Variants in ASMT observed in about 807,000 individuals in gnomAD.
ASMT encodes the protein acetylserotonin O-methyltransferase.
In ASMT, 53 loss-of-function variants were observed where a neutral mutation model predicts 41.3. The observed-to-expected ratio is 1.28, with a 90% CI of 1.03 to 1.61. The LOEUF is 1.61. Ranked by LOEUF, ASMT falls within the 40% of genes most tolerant of loss-of-function variation. The pLI is 0.00. For synonymous variants in ASMT, 231 were observed against 184.8 expected (o/e 1.25, Z -2.03); for missense variants, 531 against 441.3 (o/e 1.20, Z -1.82).
At chrX:1,635,283 C>G (rs1335039629) in intron 7 of ASMT, among the ~76,000 whole-genome samples, 4 of 151,974 alleles carry the variant, frequency 2.6e-5, no homozygotes, top group Non-Finnish European at 5.9e-5. Context: ...CGCGCCTGGC[C>G]TGAATTAACT....
Position 1,615,254 on chromosome X carries a change from T to C in ASMT, c.55T>C (p.Phe19Leu). The change falls in exon 1 of 9, where the codon TTC becomes CTC. Residue 19 changes from phenylalanine to leucine, a missense_variant. Coordinates refer to ENST00000381241, the MANE Select transcript of ASMT (RefSeq NM_001171038.2). Reference sequence around the variant, plus strand: ...CCTCCTTAATGACTACGCCAACGGCTTCATGGTGTCCCAGGTAGGATACGC... The same window carrying C: ...CCTCCTTAATGACTACGCCAACGGCCTCATGGTGTCCCAGGTAGGATACGC... The part of the protein sequence containing the change: ...YRLLNDYANG[F>L]MVSQVLFAAC... 6.3e-7 allele frequency: 1 copy of C among 1,594,592 alleles called. No individual in the cohort carries two copies. Among genetic ancestry groups the C allele is most frequent in the Non-Finnish European group, 8.5e-7 (1 of 1,170,574 alleles).
intron 5 of ASMT, among the ~76,000 whole-genome samples, chrX:1,630,932 A>T (rs561622046): frequency 7.4e-6 from 1 of 135,152 alleles, no homozygotes; most frequent in Non-Finnish European, 1.5e-5. Flanking sequence ...TTTTTTTGAG[A>T]TGGAGTCTTG....
rs185309752 is a variant in ASMT, at chrX:1,642,305, C to A, written c.911-498C>A. Among the ~76,000 whole-genome samples, 23 of 140,502 alleles carry A rather than the reference C, an allele frequency of 1.6e-4. No individual in the cohort carries two copies. In the East Asian group the frequency reaches 3.1e-3, roughly 19 times the overall value. The allele number at this position is 140,502 out of a possible 152,430, so 92.2% of individuals were successfully genotyped here. On this transcript the variant is annotated intron_variant, in intron 8 of 8. Transcript: ENST00000381241. ...ACAGTGTCCCAGTGTCCTGTGAGGT[C>A]CATACATCCTGATGGTCCATGAGGA...
intron 1 of ASMT, among the ~76,000 whole-genome samples, chrX:1,619,587 T>TAATAATAATAAA (rs1420115346): frequency 3.5e-4 from 48 of 136,168 alleles, no homozygotes; most frequent in African/African-American, 1.2e-3. Flanking sequence ...ATAATAATAA[T>TAATAATAATAAA]AAAAAGTCTT....
At position 1,627,782 on chromosome X, in the gene ASMT, T is replaced by C. The variant is rs1360064824; in HGVS notation, c.443+11T>C. ...TACGGCCATCTACAGGTAACACCCATCACTTTGAAACCAACAACTCAGATA... is the reference window on the plus strand; with the variant it reads ...TACGGCCATCTACAGGTAACACCCACCACTTTGAAACCAACAACTCAGATA... On this transcript the variant is annotated intron_variant, in intron 4 of 8. Coordinates refer to ENST00000381241, the MANE Select transcript of ASMT (RefSeq NM_001171038.2). The C allele has an allele frequency of 1.9e-6, 3 of 1,612,890 alleles. No individual in the cohort carries two copies. The highest frequency in any genetic ancestry group is 2.2e-5 in the South Asian group (2 of 91,058).
At chrX:1,635,944 C>G (rs1230218321) in intron 7 of ASMT, among the ~76,000 whole-genome samples, 18 of 150,890 alleles carry the variant, frequency 1.2e-4, no homozygotes, top group Middle Eastern at 3.4e-3. Context: ...AGAGGCCACA[C>G]TTATTCAGTA....
At chrX:1,631,390 C>A (rs754189301) in intron 5 of ASMT, among the ~76,000 whole-genome samples, 2 of 151,798 alleles carry the variant, frequency 1.3e-5, no homozygotes, top group African/African-American at 2.4e-5. Flanking sequence ...CAACCCCGAG[C>A]TCACCCCTTA....
In ASMT at chrX:1,642,840, A is replaced by C; in HGVS notation, c.948A>C (p.Glu316Asp). 1 of 1,613,914 alleles carries C rather than the reference A, an allele frequency of 6.2e-7. No homozygotes were observed. Among genetic ancestry groups the C allele is most frequent in the Non-Finnish European group, 8.5e-7 (1 of 1,179,852 alleles). ...GILVIESLLDEDRRGPLLTQL... is the reference protein window; with the variant it reads ...GILVIESLLDDDRRGPLLTQL... ...TGGTAATTGAAAGCCTCCTGGATGAAGACAGGCGAGGTCCTCTGCTCACGC... is the reference window on the plus strand; with the variant it reads ...TGGTAATTGAAAGCCTCCTGGATGACGACAGGCGAGGTCCTCTGCTCACGC... Residue 316 changes from glutamate (E) to aspartate (D), a missense_variant, in exon 9 of 9, where the codon GAA (glutamate) becomes GAC (aspartate). By Grantham distance (45) the Glu-to-Asp change is conservative. Transcript: ENST00000381241.
Position 1,633,207 on chromosome X carries a change from C to T in ASMT, c.704C>T (p.Thr235Ile), listed in dbSNP as rs753471134. The T allele has an allele frequency of 1.2e-6, 2 of 1,613,834 alleles. No homozygotes were observed. Among genetic ancestry groups the T allele is most frequent in the Non-Finnish European group, 1.7e-6 (2 of 1,179,846 alleles). Residue 235 changes from threonine (T) to isoleucine (I), a missense_variant, in exon 7 of 9, where the codon ACC becomes ATC. By Grantham distance (89) the Thr-to-Ile change is moderately conservative. Transcript: ENST00000381241. ...TCTCTGTACCCTGGATGTAAGATCA[C>T]CGTTTTTGACATCCCAGAAGTGGTG... The part of the protein sequence containing the change: ...CMSLYPGCKI[T>I]VFDIPEVVWT...
At chrX:1,635,136 A>G (rs1336982089) in intron 7 of ASMT, among the ~76,000 whole-genome samples, 7 of 127,202 alleles carry the variant, frequency 5.5e-5, no homozygotes, top group East Asian at 2.8e-4. Context: ...CACCACGCCC[A>G]GCTAATTTTT....
rs1569373053 is a variant in ASMT at position 1,624,254 on chromosome X, T to TG, written c.245-15_245-14insG. ...ATCTCACTGCTTTTTCCCTGTTTTT[T>TG]TGTGTGTGTTTCAGCTTTCTATCGA... On this transcript the variant is annotated splice_polypyrimidine_tract_variant and intron_variant, in intron 2 of 8. Coordinates refer to ENST00000381241, the MANE Select transcript of ASMT (RefSeq NM_001171038.2). The TG allele has an allele frequency of 6.2e-7, 1 of 1,613,858 alleles. No homozygotes were observed. The highest frequency in any genetic ancestry group is 1.7e-5 in the Admixed American group (1 of 60,006).
rs746228083 is a variant in ASMT at position 1,636,536 on chromosome X, A to C, written c.886A>C (p.Arg296=). ...CGGAAAGTGCTCACACCTGCTGGAG[A>C]GGATCTACCACACTTGCAAGCCAGG... The part of the protein sequence containing the change: ...ADGKCSHLLE[R]IYHTCKPGGG... Residue 296 remains arginine, a synonymous_variant, in exon 8 of 9, where the codon AGG becomes CGG. Transcript: ENST00000381241. 22 of 1,613,496 alleles carry C rather than the reference A, an allele frequency of 1.4e-5. No individual in the cohort carries two copies. The South Asian group carries it at 2.0e-4, about 14-fold the overall frequency.
chrX:1,627,906 C>G (rs1934616898), intron 4 of ASMT, 135 bp downstream of exon 4: 7 of 853,748 alleles, frequency 8.2e-6, no homozygotes, highest in Middle Eastern at 6.4e-4. Context: ...ATAACATCCC[C>G]TATCCCCACT....
In ASMT at chrX:1,616,960, G is replaced by A. The variant is rs1431843902; in HGVS notation, c.69+1692G>A. ...CCTGACCTCATGATCCGCCCGCCTCGGCCTCCCAAAGTGCTGGGATTACAG... is the reference window on the plus strand; with the variant it reads ...CCTGACCTCATGATCCGCCCGCCTCAGCCTCCCAAAGTGCTGGGATTACAG... On this transcript the variant is annotated intron_variant, in intron 1 of 8. Coordinates refer to ENST00000381241, the MANE Select transcript of ASMT (RefSeq NM_001171038.2). Among the ~76,000 whole-genome samples, 35 of 151,952 alleles carry A rather than the reference G, an allele frequency of 2.3e-4. 1 individual carries two copies. Among genetic ancestry groups the A allele is most frequent in the South Asian group, 8.3e-4 (4 of 4,792 alleles).
chrX:1,623,645 C>G (rs1934418759), intron 2 of ASMT, among the ~76,000 whole-genome samples: 1 of 152,120 alleles, frequency 6.6e-6, no homozygotes, highest in Non-Finnish European at 1.5e-5. Context: ...AGCTACCGAC[C>G]TCTGCCCTGG....
chrX:1,628,452 C>T (rs1225510984), intron 4 of ASMT, among the ~76,000 whole-genome samples: 1 of 152,170 alleles, frequency 6.6e-6, no homozygotes. Context: ...GCCCGAAGCT[C>T]TTACCTAGAA....
At position 1,623,309 on chromosome X, in the gene ASMT, A is replaced by T; in HGVS notation, c.240A>T (p.Gly80=). The T allele has an allele frequency of 6.2e-7, 1 of 1,613,830 alleles. No homozygotes were observed. Among genetic ancestry groups the T allele is most frequent in the Non-Finnish European group, 8.5e-7 (1 of 1,179,842 alleles). ...TGCTGAAAGTGGAGACGAGGGGAGG[A>T]AAAGGTGAGGACACGGGCGTTTTGA... ...LKLLKVETRG[G]KAFYRNTELS... is the part of the protein sequence containing the mutation. Residue 80 remains glycine (G), a synonymous_variant, in exon 2 of 9, where the codon GGA becomes GGT. Coordinates refer to ENST00000381241, the MANE Select transcript of ASMT (RefSeq NM_001171038.2).
intron 7 of ASMT, among the ~76,000 whole-genome samples, chrX:1,633,680 C>A (rs1934858968): frequency 6.7e-6 from 1 of 148,366 alleles, no homozygotes; most frequent in African/African-American, 2.5e-5. Flanking sequence ...CACTCTCTTG[C>A]CCGGGCTGGA....
chrX:1,629,047 CTTTT>C (rs1432280569), intron 4 of ASMT, among the ~76,000 whole-genome samples: 2 of 148,446 alleles, frequency 1.3e-5, no homozygotes, highest in Non-Finnish European at 3.0e-5. Context: ...TCCTTTCTTT[CTTTT>C]TCTTTCTTCC....
Sources: gnomAD v4.1 joint callset for allele counts (sites outside exome capture counted in the v4.1 genomes callset) on GRCh38, gnomAD v4.1.1 for gene constraint, MANE v1.5 for transcripts, NCBI Gene and HGNC (gene_info 2026-07-23, HGNC 2026-07-21) for gene names.